The following AP3B1 variants were observed in gnomAD, a reference collection of about 807,000 sequenced individuals.
The protein encoded by AP3B1 is adaptor related protein complex 3 subunit beta 1.
AP3B1 carries 61 observed loss-of-function variants against 132.5 expected under a neutral mutation model. The observed-to-expected ratio is 0.46, with a 90% CI of 0.37 to 0.57. The LOEUF (loss-of-function observed/expected upper bound fraction) is 0.57. AP3B1 is among the 20% of genes least tolerant of loss of function. The pLI is 0.00. For synonymous variants in AP3B1, 388 were observed against 438.3 expected (o/e 0.89, Z 1.43); for missense variants, 1,120 against 1,289.4 (o/e 0.87, Z 2.01).
At chr5:78,211,473 G>A (rs965384812) in intron 7 of AP3B1, among the ~76,000 whole-genome samples, 3 of 152,160 alleles carry the variant, frequency 2.0e-5, no homozygotes, top group African/African-American at 7.2e-5. Context: ...GAAGAAGCTT[G>A]TTTGTATATG....
chr5:78,033,315 T>C (rs1747656588), intron 24 of AP3B1, among the ~76,000 whole-genome samples: 2 of 152,192 alleles, frequency 1.3e-5, no homozygotes, highest in South Asian at 4.1e-4. Flanking sequence ...ATATCACTAA[T>C]ACAGCAGACC....
At chr5:78,107,377 A>T (rs902635210) in intron 20 of AP3B1, among the ~76,000 whole-genome samples, 1 of 152,202 alleles carries the variant, frequency 6.6e-6, no homozygotes, top group Non-Finnish European at 1.5e-5. Context: ...GATATGTAGA[A>T]TATTTTTCTA....
chr5:78,086,577 G>A (rs546894223), intron 22 of AP3B1, among the ~76,000 whole-genome samples: 24 of 152,216 alleles, frequency 1.6e-4, no homozygotes, highest in Admixed American at 4.6e-4. Flanking sequence ...ATGCTTTGAC[G>A]TTTACAACTA....
chr5:78,272,534 C>T (rs1470807059), intron 1 of AP3B1, among the ~76,000 whole-genome samples: 1 of 151,924 alleles, frequency 6.6e-6, no homozygotes, highest in East Asian at 1.9e-4. Flanking sequence ...CAGCAATGAA[C>T]AAAAGTGATA....
intron 15 of AP3B1, 95 bp from the exon 16 acceptor site, chr5:78,129,402 G>T: frequency 9.3e-7 from 1 of 1,070,368 alleles, no homozygotes; most frequent in Non-Finnish European, 1.4e-6. Context: ...AAAAATGAAT[G>T]GTTATGTCAA....
At chr5:78,102,099 G>T (rs1394848867) in intron 20 of AP3B1, among the ~76,000 whole-genome samples, 1 of 151,970 alleles carries the variant, frequency 6.6e-6, no homozygotes, top group Admixed American at 6.6e-5. Context: ...TTTACCAAAA[G>T]TCTATAGCTT....
intron 3 of AP3B1, among the ~76,000 whole-genome samples, chr5:78,232,715 C>CT (rs544135608): frequency 4.0e-5 from 6 of 150,070 alleles, no homozygotes; most frequent in Admixed American, 1.3e-4. Context: ...TTCTTTCTTT[C>CT]TTTTTTTTTT....
intron 15 of AP3B1, among the ~76,000 whole-genome samples, chr5:78,134,638 T>C (rs1752832698): frequency 1.3e-5 from 2 of 152,162 alleles, no homozygotes; most frequent in Non-Finnish European, 2.9e-5. Flanking sequence ...CCAACCAGGT[T>C]CAAGTGATTC....
At chr5:78,094,309 T>C (rs1055448962) in intron 21 of AP3B1, among the ~76,000 whole-genome samples, 6 of 152,222 alleles carry the variant, frequency 3.9e-5, no homozygotes, top group African/African-American at 9.6e-5. Context: ...TGTTTTCTTA[T>C]GTATTGTTAA....
intron 21 of AP3B1, among the ~76,000 whole-genome samples, chr5:78,099,061 T>C (rs1751020368): frequency 6.6e-6 from 1 of 152,200 alleles, no homozygotes; most frequent in African/African-American, 2.4e-5. Flanking sequence ...AATGGGATTA[T>C]TGCCCTTATA....
At chr5:78,174,636 C>T (rs1252652816) in intron 11 of AP3B1, among the ~76,000 whole-genome samples, 4 of 152,208 alleles carry the variant, frequency 2.6e-5, no homozygotes, top group African/African-American at 4.8e-5. Context: ...AGGTGTCTGT[C>T]GGCCCCTAGT....
rs1364216855 is a variant in AP3B1 at position 78,080,478 on chromosome 5, T to A, written c.2577+8915A>T. ...CTTTTTTTTTTTTCTTTTTCTTTTT[T>A]TTTTGCTCTTACAATGTGTCGGTGA... is the stretch of plus-strand genomic sequence containing the variant. On this transcript the variant is annotated intron_variant, in intron 22 of 26. Coordinates refer to ENST00000255194, the MANE Select transcript of AP3B1 (RefSeq NM_003664.5). Among the ~76,000 whole-genome samples, 4 of 151,778 alleles carry A rather than the reference T, an allele frequency of 2.6e-5. No homozygotes were observed. The East Asian group carries it at 7.7e-4, about 29-fold the overall frequency.
intron 22 of AP3B1, among the ~76,000 whole-genome samples, chr5:78,079,364 T>C (rs1749893973): frequency 6.6e-6 from 1 of 152,126 alleles, no homozygotes; most frequent in African/African-American, 2.4e-5. Flanking sequence ...TGAACTCTAA[T>C]TGAGAATTTA....
At chr5:78,175,508 T>A in intron 11 of AP3B1, 118 bp downstream of exon 11, 1 of 736,298 alleles carries the variant, frequency 1.4e-6, no homozygotes, top group Non-Finnish European at 2.4e-6. Context: ...AGAAAAACCA[T>A]TAACTTTATC....
chr5:78,158,646 A>C (rs576807887), intron 13 of AP3B1, among the ~76,000 whole-genome samples: 1 of 152,160 alleles, frequency 6.6e-6, no homozygotes, highest in South Asian at 2.1e-4. Flanking sequence ...CAAACTCAGA[A>C]CTAGGATGTA....
intron 17 of AP3B1, among the ~76,000 whole-genome samples, chr5:78,123,198 A>T (rs1037281384): frequency 3.5e-4 from 54 of 152,384 alleles, no homozygotes; most frequent in African/African-American, 1.3e-3. Context: ...AAATTAATTC[A>T]AGATGGATTA....
intron 7 of AP3B1, among the ~76,000 whole-genome samples, chr5:78,204,537 C>G (rs1440361128): frequency 6.6e-6 from 1 of 152,202 alleles, no homozygotes; most frequent in African/African-American, 2.4e-5. Context: ...TCTCAACTCC[C>G]TTATTCCCCA....
chr5:78,029,278 T>C lies in AP3B1; in HGVS notation c.2894+5083A>G, dbSNP rs897931658. 2.0e-5 allele frequency among the ~76,000 whole-genome samples: 3 copies of C among 152,322 alleles called. 1 individual carries two copies. Among genetic ancestry groups the C allele is most frequent in the Admixed American group, 2.0e-4 (3 of 15,304 alleles). On this transcript the variant is annotated intron_variant, in intron 24 of 26. Coordinates refer to ENST00000255194, the MANE Select transcript of AP3B1 (RefSeq NM_003664.5). ...TGCATGGTTTAATGGTTTGTAACAATTGTATTTTCTTGGAGGATTACAATG... is the reference window on the plus strand; with the variant it reads ...TGCATGGTTTAATGGTTTGTAACAACTGTATTTTCTTGGAGGATTACAATG...
chr5:78,180,967 A>G (rs1206334072), intron 8 of AP3B1, among the ~76,000 whole-genome samples: 1 of 152,050 alleles, frequency 6.6e-6, no homozygotes, highest in Non-Finnish European at 1.5e-5. Flanking sequence ...ACCCAAATAA[A>G]GATGATTTTT....
Sources: gnomAD v4.1 joint callset for allele counts (sites outside exome capture counted in the v4.1 genomes callset) on GRCh38, gnomAD v4.1.1 for gene constraint, MANE v1.5 for transcripts, NCBI Gene and HGNC (gene_info 2026-07-23, HGNC 2026-07-21) for gene names.